Variants in CARD8 observed in about 807,000 individuals in gnomAD.
CARD8 encodes the protein caspase recruitment domain family member 8.
CARD8 carries 38 observed loss-of-function variants against 53.2 expected under a neutral mutation model. The observed-to-expected ratio is 0.71, with a 90% CI of 0.55 to 0.94. CARD8 has a LOEUF of 0.94. Ranked by LOEUF, CARD8 falls within the 40% of genes least tolerant of loss-of-function variation. CARD8 has a pLI of 0.00. For missense variants in CARD8, 561 were observed against 655.5 expected, an observed-to-expected ratio of 0.86 and a Z score of 1.57; for synonymous variants, 245 against 244.9, an observed-to-expected ratio of 1.00 and a Z score of 0.00.
At chr19:48,249,292 T>C (rs923913575) in intron 3 of CARD8, among the ~76,000 whole-genome samples, 25 of 151,560 alleles carry the variant, frequency 1.6e-4, no homozygotes, top group African/African-American at 5.8e-4. Flanking sequence ...TTACAGAAAA[T>C]AATATTTAAA....
intron 13 of CARD8, 29 bp from the exon 14 acceptor site, chr19:48,212,004 G>A (rs1422890246): frequency 2.5e-6 from 4 of 1,603,650 alleles, no homozygotes; most frequent in Non-Finnish European, 3.4e-6. Flanking sequence ...TTCAGACTTT[G>A]AGAATCGTTC....
chr19:48,212,449 T>C (rs1015144631), intron 13 of CARD8, among the ~76,000 whole-genome samples: 8 of 152,186 alleles, frequency 5.3e-5, no homozygotes, highest in Non-Finnish European at 1.0e-4. Context: ...ATACAATGCA[T>C]AGAAAAGGAA....
At chr19:48,215,277 T>C (rs1364469494) in intron 13 of CARD8, 63 bp downstream of exon 13, 1 of 1,196,390 alleles carries the variant, frequency 8.4e-7, no homozygotes, top group Non-Finnish European at 1.2e-6. Context: ...CCTTCCACTG[T>C]CACTCAAAGA....
intron 12 of CARD8, among the ~76,000 whole-genome samples, chr19:48,216,399 C>T (rs2039306634): frequency 6.6e-6 from 1 of 152,180 alleles, no homozygotes; most frequent in Admixed American, 6.5e-5. Flanking sequence ...ACAAACAAAA[C>T]TCTGACAATC....
rs2042728553 is a variant in CARD8, at chr19:48,230,834, C to T, written c.715G>A (p.Ala239Thr). The change falls in exon 9 of 14, where the codon GCA becomes ACA. Residue 239 changes from alanine to threonine, a missense_variant. By Grantham distance (58) the Ala-to-Thr change is moderately conservative. Coordinates refer to ENST00000651546, the MANE Select transcript of CARD8 (RefSeq NM_001184900.3). The stretch of plus-strand genomic sequence containing the variant: ...TCGGCGACAGCCTCCTCTGGCTCTG[C>T]AGTGACATCAAACAAGGGGCCGCCC... The part of the protein sequence containing the change: ...LVGGPLFDVT[A>T]EPEEAVAEIH... The T allele has an allele frequency of 6.2e-7, 1 of 1,614,200 alleles. No individual in the cohort carries two copies. Among genetic ancestry groups the T allele is most frequent in the African/African-American group, 1.3e-5 (1 of 75,034 alleles).
intron 12 of CARD8, 115 bp downstream of exon 12, chr19:48,218,756 G>T: frequency 1.7e-6 from 2 of 1,170,156 alleles, no homozygotes; most frequent in Non-Finnish European, 2.5e-6. Context: ...ACTGACAATA[G>T]ATTTCTTTTC....
chr19:48,246,868 T>C (rs967527029), intron 3 of CARD8, among the ~76,000 whole-genome samples: 1 of 152,224 alleles, frequency 6.6e-6, no homozygotes, highest in Non-Finnish European at 1.5e-5. Flanking sequence ...TCACCTGCTA[T>C]TCATTATATG....
intron 3 of CARD8, among the ~76,000 whole-genome samples, chr19:48,242,954 A>G (rs191002216): frequency 1.6e-4 from 25 of 152,304 alleles, no homozygotes; most frequent in African/African-American, 5.5e-4. Flanking sequence ...ATGTAAAGTG[A>G]TAAGTTATTG....
At chr19:48,225,194 G>A (rs1331983535) in intron 10 of CARD8, among the ~76,000 whole-genome samples, 1 of 152,024 alleles carries the variant, frequency 6.6e-6, no homozygotes, top group East Asian at 1.9e-4. Flanking sequence ...CAGTGATCAA[G>A]AACAATGGGA....
intron 6 of CARD8, 105 bp downstream of exon 6, chr19:48,234,298 C>A: frequency 8.6e-7 from 1 of 1,164,042 alleles, no homozygotes; most frequent in East Asian, 2.4e-5. Flanking sequence ...CATTCATTCT[C>A]CCCTGAGTTC....
chr19:48,228,016 G>C (rs1020977938), intron 10 of CARD8, among the ~76,000 whole-genome samples: 2 of 152,044 alleles, frequency 1.3e-5, no homozygotes, highest in African/African-American at 4.8e-5. Flanking sequence ...TCACATTACC[G>C]CCTGAGCTCC....
Position 48,209,450 on chromosome 19 carries a change from G to A in CARD8, c.*2260C>T, listed in dbSNP as rs2123689370. The A allele has an allele frequency of 6.6e-6, 1 of 152,202 alleles. No homozygotes were observed. Among genetic ancestry groups the A allele is most frequent in the South Asian group, 2.1e-4 (1 of 4,828 alleles). 9.4% of individuals were successfully genotyped at this position (152,202 alleles called of 1,614,324 possible). On this transcript the variant is annotated 3_prime_UTR_variant, in exon 14 of 14. Coordinates refer to ENST00000651546, the MANE Select transcript of CARD8 (RefSeq NM_001184900.3). The stretch of plus-strand genomic sequence containing the variant: ...AAAAGGTGGTGAATGCACTCAGTGG[G>A]ACGACACAGATAACAACAGGTGAAC...
intron 11 of CARD8, 33 bp from the exon 12 acceptor site, chr19:48,219,045 T>TG: frequency 6.2e-7 from 1 of 1,611,430 alleles, no homozygotes; most frequent in Non-Finnish European, 8.5e-7. Context: ...CTTGAAGCAG[T>TG]GGAGGGTGGA....
In CARD8 at chr19:48,213,320, A is replaced by G. The variant is rs184852382; in HGVS notation, c.1349-1345T>C. On this transcript the variant is annotated intron_variant, in intron 13 of 13. Transcript: ENST00000651546. ...AGTTCCAAACCTGGATTTATTGCTT[A>G]CTAGATGATGGAAACTTGGTCCTCT... 5.9e-5 allele frequency among the ~76,000 whole-genome samples: 9 copies of G among 152,178 alleles called. No individual in the cohort carries two copies. In the East Asian group the frequency reaches 9.7e-4, roughly 16 times the overall value.
Position 48,218,469 on chromosome 19 carries a change from C to T in CARD8, c.1303+402G>A, listed in dbSNP as rs1298592419. On this transcript the variant is annotated intron_variant, in intron 12 of 13. Coordinates refer to ENST00000651546, the MANE Select transcript of CARD8 (RefSeq NM_001184900.3). ...TCCTGGGTTCAGGTGATTCTCCTGC[C>T]TCAGCCTCCCACGTAGCCAGGACTA... Among the ~76,000 whole-genome samples the T allele has an allele frequency of 2.0e-5, 3 of 151,342 alleles. No homozygotes were observed. In the East Asian group the frequency reaches 5.8e-4, roughly 29 times the overall value.
At chr19:48,212,591 T>G (rs935200372) in intron 13 of CARD8, among the ~76,000 whole-genome samples, 2 of 152,090 alleles carry the variant, frequency 1.3e-5, no homozygotes, top group Non-Finnish European at 2.9e-5. Flanking sequence ...TGCATGGAGG[T>G]TGAGGTGTGA....
At chr19:48,239,472 C>CTTT (rs36029407) in intron 4 of CARD8, among the ~76,000 whole-genome samples, 2 of 102,710 alleles carry the variant, frequency 1.9e-5, no homozygotes, top group Non-Finnish European at 4.0e-5. Context: ...TCATTTCAGA[C>CTTT]TTTTTTTTTT....
In CARD8 at chr19:48,230,930, C is replaced by T. The variant is rs1375532403; in HGVS notation, c.619G>A (p.Val207Met). The T allele has an allele frequency of 6.2e-7, 1 of 1,614,080 alleles. No homozygotes were observed. Among genetic ancestry groups the T allele is most frequent in the African/African-American group, 1.3e-5 (1 of 74,930 alleles). ...LGFLVRDEVT[V>M]TIAFGSWSQH... Reference sequence around the variant, plus strand: ...CTCCAGGAACCAAACGCAATCGTCACTGTGACCTCATCCCTTACCAGGAAG... The same window carrying T: ...CTCCAGGAACCAAACGCAATCGTCATTGTGACCTCATCCCTTACCAGGAAG... The change falls in exon 9 of 14, where the codon GTG becomes ATG. Residue 207 changes from valine (V) to methionine (M), a missense_variant. Transcript: ENST00000651546.
chr19:48,220,155 C>G (rs2040196384), intron 11 of CARD8, among the ~76,000 whole-genome samples: 1 of 152,176 alleles, frequency 6.6e-6, no homozygotes, highest in South Asian at 2.1e-4. Context: ...CTGGGGAAGG[C>G]AGTCCCTGCT....
Sources: gnomAD v4.1 joint callset for allele counts (sites outside exome capture counted in the v4.1 genomes callset) on GRCh38, gnomAD v4.1.1 for gene constraint, MANE v1.5 for transcripts, NCBI Gene and HGNC (gene_info 2026-07-23, HGNC 2026-07-21) for gene names.